The following UNC5C variants were observed in gnomAD, a reference collection of about 807,000 sequenced individuals.
The protein encoded by UNC5C is netrin receptor UNC5C.
Under a neutral mutation model 99.8 loss-of-function variants are expected in UNC5C, and 47 were observed. The observed-to-expected ratio is 0.47, with a 90% CI of 0.37 to 0.60. The LOEUF is 0.60. UNC5C is among the 20% of genes least tolerant of loss of function. UNC5C has a pLI of 0.00. For missense variants in UNC5C, 1,062 were observed against 1,165.9 expected (o/e 0.91, Z 1.30); for synonymous variants, 487 against 452.2 (o/e 1.08, Z -0.98).
rs1425343139 is a variant in UNC5C, at chr4:95,164,004, T to C, written c.*5230A>G. 6.6e-6 allele frequency: 1 copy of C among 152,234 alleles called. No homozygotes were observed. The highest frequency in any genetic ancestry group is 1.5e-5 in the Non-Finnish European group (1 of 68,054). The allele number at this position is 152,234 out of a possible 1,614,324, so 9.4% of individuals were successfully genotyped here. ...GAGGCACACATTACATTTGGTTGAA[T>C]GAGCCCGTTAATATCCTACCACAGA... On this transcript the variant is annotated 3_prime_UTR_variant, in exon 16 of 16. Transcript: ENST00000453304.
chr4:95,385,344 C>T (rs895736974), intron 1 of UNC5C, among the ~76,000 whole-genome samples: 4 of 152,170 alleles, frequency 2.6e-5, no homozygotes, highest in African/African-American at 9.7e-5. Context: ...TGCTGTACTG[C>T]TCAATTTTGT....
chr4:95,517,028 G>C (rs1205286381), intron 1 of UNC5C, among the ~76,000 whole-genome samples: 2 of 152,064 alleles, frequency 1.3e-5, no homozygotes, highest in Non-Finnish European at 2.9e-5. Flanking sequence ...TCACTGATCA[G>C]TTTCCTTTCT....
At chr4:95,530,362 A>G (rs938141589) in intron 1 of UNC5C, among the ~76,000 whole-genome samples, 1 of 151,876 alleles carries the variant, frequency 6.6e-6, no homozygotes, top group Non-Finnish European at 1.5e-5. Context: ...ATATATCATG[A>G]CTCCCCTCTC....
At chr4:95,365,047 C>G (rs1014735123) in intron 1 of UNC5C, among the ~76,000 whole-genome samples, 6 of 151,214 alleles carry the variant, frequency 4.0e-5, no homozygotes, top group African/African-American at 1.5e-4. Flanking sequence ...GTAATCCCAG[C>G]ACTTTGGGAG....
At chr4:95,300,073 A>G (rs1741813010) in intron 3 of UNC5C, among the ~76,000 whole-genome samples, 1 of 152,234 alleles carries the variant, frequency 6.6e-6, no homozygotes, top group Non-Finnish European at 1.5e-5. Context: ...GCTAAGTGAT[A>G]TTGGCATCCA....
Position 95,543,922 on chromosome 4 carries a change from G to A in UNC5C, c.124+4812C>T, listed in dbSNP as rs559259348. Reference sequence around the variant, plus strand: ...TGTACTCTGTCCAGGAGTTTACAATGATCTACTCCGCAGCATCTCTTCAGA... The same window carrying A: ...TGTACTCTGTCCAGGAGTTTACAATAATCTACTCCGCAGCATCTCTTCAGA... On this transcript the variant is annotated intron_variant, in intron 1 of 15. Transcript: ENST00000453304. Among the ~76,000 whole-genome samples the A allele has an allele frequency of 5.9e-5, 9 of 152,290 alleles. No homozygotes were observed. In the South Asian group the frequency reaches 1.9e-3, roughly 32 times the overall value.
intron 1 of UNC5C, among the ~76,000 whole-genome samples, chr4:95,527,823 A>T (rs187051540): frequency 1.8e-4 from 28 of 152,212 alleles, no homozygotes; most frequent in Middle Eastern, 6.8e-3. Context: ...ATAAAAGCCT[A>T]CCACAGGCAT....
At chr4:95,515,129 G>A (rs1045692534) in intron 1 of UNC5C, among the ~76,000 whole-genome samples, 3 of 152,214 alleles carry the variant, frequency 2.0e-5, no homozygotes, top group East Asian at 1.9e-4. Flanking sequence ...CTTTATATAT[G>A]TAACATGGAA....
chr4:95,288,097 T>TATTTATTTA (rs59608128), intron 3 of UNC5C, among the ~76,000 whole-genome samples: 9 of 151,150 alleles, frequency 6.0e-5, no homozygotes, highest in Non-Finnish European at 1.2e-4. Flanking sequence ...TTTATTTATT[T>TATTTATTTA]TTTGAGAGGG....
chr4:95,292,043 A>G (rs1741476029), intron 3 of UNC5C, among the ~76,000 whole-genome samples: 1 of 151,946 alleles, frequency 6.6e-6, no homozygotes, highest in African/African-American at 2.4e-5. Context: ...GTTTAAAGAA[A>G]TGCATTATTT....
intron 12 of UNC5C, among the ~76,000 whole-genome samples, chr4:95,197,302 G>T (rs1195274557): frequency 4.0e-5 from 6 of 151,564 alleles, no homozygotes; most frequent in African/African-American, 1.5e-4. Flanking sequence ...GTACTCCACT[G>T]GGCTTCTATC....
chr4:95,205,805 G>A (rs1217066991), intron 11 of UNC5C, among the ~76,000 whole-genome samples: 1 of 152,032 alleles, frequency 6.6e-6, no homozygotes, highest in Non-Finnish European at 1.5e-5. Context: ...AAGTTCTGAT[G>A]ACAGCAGCTG....
chr4:95,315,247 C>T (rs1309476262), intron 2 of UNC5C, among the ~76,000 whole-genome samples: 1 of 152,028 alleles, frequency 6.6e-6, no homozygotes, highest in Non-Finnish European at 1.5e-5. Flanking sequence ...CATTTAGACA[C>T]CCCCTACTCC....
chr4:95,469,297 T>C (rs1418163897), intron 1 of UNC5C, among the ~76,000 whole-genome samples: 1 of 152,192 alleles, frequency 6.6e-6, no homozygotes, highest in Admixed American at 6.5e-5. Flanking sequence ...TCTCCTGTTA[T>C]CTTGACATTT....
chr4:95,500,671 C>G (rs1044974559), intron 1 of UNC5C, among the ~76,000 whole-genome samples: 1 of 152,112 alleles, frequency 6.6e-6, no homozygotes, highest in Non-Finnish European at 1.5e-5. Context: ...CTACTAGGAA[C>G]ATGTTGTAAT....
At chr4:95,492,380 T>C (rs1721517965) in intron 1 of UNC5C, among the ~76,000 whole-genome samples, 1 of 151,420 alleles carries the variant, frequency 6.6e-6, no homozygotes, top group Non-Finnish European at 1.5e-5. Flanking sequence ...AATATGTTTC[T>C]GCTTCCTGTT....
intron 2 of UNC5C, among the ~76,000 whole-genome samples, chr4:95,312,159 C>A (rs1742301316): frequency 1.3e-5 from 2 of 152,092 alleles, no homozygotes; most frequent in African/African-American, 4.8e-5. Flanking sequence ...GGGTGACATT[C>A]CAGTATGAAG....
intron 1 of UNC5C, among the ~76,000 whole-genome samples, chr4:95,486,522 A>G (rs990524562): frequency 3.2e-4 from 48 of 151,650 alleles, no homozygotes; most frequent in African/African-American, 1.2e-3. Flanking sequence ...GTCCATATTT[A>G]TACTATCCAT....
At position 95,250,679 on chromosome 4, in the gene UNC5C, T is replaced by C; in HGVS notation, c.595-12A>G. 1 of 1,612,698 alleles carries C rather than the reference T, an allele frequency of 6.2e-7. No homozygotes were observed. Among genetic ancestry groups the C allele is most frequent in the Non-Finnish European group, 8.5e-7 (1 of 1,179,228 alleles). ...TTCAACCATTCCACCTAAAGATAAATGAGAAAAGTAGATAAATCCTCAGCA... is the reference window on the plus strand; with the variant it reads ...TTCAACCATTCCACCTAAAGATAAACGAGAAAAGTAGATAAATCCTCAGCA... On this transcript the variant is annotated splice_polypyrimidine_tract_variant and intron_variant, in intron 4 of 15. Transcript: ENST00000453304.
Sources: gnomAD v4.1 joint callset for allele counts (sites outside exome capture counted in the v4.1 genomes callset) on GRCh38, gnomAD v4.1.1 for gene constraint, MANE v1.5 for transcripts, NCBI Gene and HGNC (gene_info 2026-07-23, HGNC 2026-07-21) for gene names.